The following NEGR1 variants were observed in gnomAD, a reference collection of about 807,000 sequenced individuals.
NEGR1 encodes the protein IgLON family member 4.
In NEGR1, 10 loss-of-function variants were observed where a neutral mutation model predicts 40.9. That is an observed-to-expected ratio of 0.24 (90% confidence interval 0.15 to 0.42). NEGR1 has a LOEUF of 0.42. Among genes scored for constraint, NEGR1 ranks in the 10% least tolerant of loss-of-function variants. The probability of loss-of-function intolerance (pLI) is 1.00; values close to 1 mark genes in which losing one functional copy is unlikely to be tolerated. For missense variants in NEGR1, 352 were observed against 438.9 expected (o/e 0.80, Z 1.77); for synonymous variants, 185 against 166.8 (o/e 1.11, Z -0.84).
At chr1:71,856,170 G>A (rs1361986365) in intron 2 of NEGR1, among the ~76,000 whole-genome samples, 2 of 152,016 alleles carry the variant, frequency 1.3e-5, no homozygotes, top group African/African-American at 2.4e-5. Context: ...CATTTTCAAG[G>A]AGTAGATGGT....
chr1:71,815,999 T>C (rs1431527900), intron 2 of NEGR1, among the ~76,000 whole-genome samples: 1 of 152,102 alleles, frequency 6.6e-6, no homozygotes, highest in Non-Finnish European at 1.5e-5. Flanking sequence ...TTTACACAAA[T>C]TGAATTTCAA....
At chr1:72,232,577 CTA>C (rs767865939) in intron 1 of NEGR1, among the ~76,000 whole-genome samples, 5 of 152,056 alleles carry the variant, frequency 3.3e-5, no homozygotes, top group Non-Finnish European at 7.4e-5. Flanking sequence ...GCTAAAAAAA[CTA>C]TGTTGTGACA....
rs530822243 is a variant in NEGR1 at position 72,226,053 on chromosome 1, T to C, written c.176+56266A>G. Among the ~76,000 whole-genome samples, 9 of 152,004 alleles carry C rather than the reference T, an allele frequency of 5.9e-5. No homozygotes were observed. The South Asian group carries it at 1.9e-3, about 31-fold the overall frequency. Reference sequence around the variant, plus strand: ...ATAAATTTATGGTTTAAATGCACTGTAATCGAAATAGCCATATATATTGTT... The same window carrying C: ...ATAAATTTATGGTTTAAATGCACTGCAATCGAAATAGCCATATATATTGTT... On this transcript the variant is annotated intron_variant, in intron 1 of 6. Transcript: ENST00000357731.
chr1:72,041,806 A>G (rs989988519), intron 1 of NEGR1, among the ~76,000 whole-genome samples: 1 of 147,070 alleles, frequency 6.8e-6, no homozygotes, highest in Non-Finnish European at 1.5e-5. Flanking sequence ...TTAAATATAT[A>G]TGTAATATTT....
chr1:72,194,887 G>A (rs1184243423), intron 1 of NEGR1, among the ~76,000 whole-genome samples: 2 of 151,966 alleles, frequency 1.3e-5, no homozygotes, highest in African/African-American at 4.8e-5. Context: ...ATGCAAGATG[G>A]GTTTCAAATG....
chr1:71,768,145 T>A (rs1163270924), intron 3 of NEGR1, among the ~76,000 whole-genome samples: 2 of 152,180 alleles, frequency 1.3e-5, no homozygotes. Flanking sequence ...GAGTCCCCAC[T>A]GGGGCATTAC....
At chr1:72,133,647 A>C (rs1459129256) in intron 1 of NEGR1, among the ~76,000 whole-genome samples, 1 of 151,884 alleles carries the variant, frequency 6.6e-6, no homozygotes, top group African/African-American at 2.4e-5. Flanking sequence ...ACTTTTTATA[A>C]GGCAAAGGAA....
At chr1:71,594,372 A>G (rs1278297883) in intron 5 of NEGR1, among the ~76,000 whole-genome samples, 2 of 152,160 alleles carry the variant, frequency 1.3e-5, no homozygotes, top group East Asian at 1.9e-4. Context: ...TGAGAGTTCA[A>G]TTTGAACTCC....
chr1:72,022,788 GAT>G (rs1461815309), intron 1 of NEGR1, among the ~76,000 whole-genome samples: 2 of 151,996 alleles, frequency 1.3e-5, no homozygotes, highest in Non-Finnish European at 2.9e-5. Flanking sequence ...ATTCACAGAC[GAT>G]ATGATTGTCT....
intron 1 of NEGR1, among the ~76,000 whole-genome samples, chr1:72,230,334 T>A (rs1441721482): frequency 6.6e-6 from 1 of 152,176 alleles, no homozygotes; most frequent in Non-Finnish European, 1.5e-5. Context: ...TCAACTAATA[T>A]CTAACTTTTG....
chr1:71,554,122 G>A (rs1254183574), intron 6 of NEGR1, among the ~76,000 whole-genome samples: 2 of 151,072 alleles, frequency 1.3e-5, no homozygotes, highest in Admixed American at 6.6e-5. Flanking sequence ...TAGATACTAG[G>A]GTAATTAATT....
intron 6 of NEGR1, among the ~76,000 whole-genome samples, chr1:71,534,389 G>A (rs929291627): frequency 2.6e-5 from 4 of 151,754 alleles, no homozygotes; most frequent in South Asian, 2.1e-4. Flanking sequence ...CATGTGTCCC[G>A]TTCTGCAGGG....
intron 2 of NEGR1, among the ~76,000 whole-genome samples, chr1:71,818,190 A>G (rs193173310): frequency 6.6e-6 from 1 of 152,126 alleles, no homozygotes; most frequent in East Asian, 1.9e-4. Context: ...TTAGGTATAT[A>G]CCCACAGGAA....
At chr1:72,097,308 A>G (rs571990459) in intron 1 of NEGR1, among the ~76,000 whole-genome samples, 2 of 152,194 alleles carry the variant, frequency 1.3e-5, no homozygotes, top group South Asian at 4.1e-4. Context: ...TTAGTTGAGT[A>G]ATATATGAAA....
intron 6 of NEGR1, among the ~76,000 whole-genome samples, chr1:71,591,148 G>C (rs532602537): frequency 6.6e-6 from 1 of 152,200 alleles, no homozygotes; most frequent in East Asian, 1.9e-4. Context: ...TTACAGACAA[G>C]ATTTTCACAT....
At position 72,057,255 on chromosome 1, in the gene NEGR1, G is replaced by C. The variant is rs1647119403; in HGVS notation, c.177-121944C>G. 2.6e-5 allele frequency among the ~76,000 whole-genome samples: 4 copies of C among 151,556 alleles called. No individual in the cohort carries two copies. In the South Asian group the frequency reaches 8.3e-4, roughly 31 times the overall value. ...AAGGAAACTCCTTGTTAAATTTTTT[G>C]GTTACAAAATTTGGATTGTGCATTA... is the stretch of plus-strand genomic sequence containing the variant. On this transcript the variant is annotated intron_variant, in intron 1 of 6. Coordinates refer to ENST00000357731, the MANE Select transcript of NEGR1 (RefSeq NM_173808.3).
chr1:71,874,663 G>T (rs560465178), intron 2 of NEGR1, among the ~76,000 whole-genome samples: 15 of 152,210 alleles, frequency 9.9e-5, no homozygotes, highest in Admixed American at 4.6e-4. Flanking sequence ...ACTGAAGTGG[G>T]TTGAAGCCAG....
At chr1:71,700,033 C>G (rs549046857) in intron 3 of NEGR1, among the ~76,000 whole-genome samples, 94 of 151,784 alleles carry the variant, frequency 6.2e-4, no homozygotes, top group Admixed American at 3.2e-3. Flanking sequence ...ATCAGCAGTG[C>G]GAAAGCGAAC....
chr1:72,135,737 T>C (rs1650439179), intron 1 of NEGR1, among the ~76,000 whole-genome samples: 1 of 152,190 alleles, frequency 6.6e-6, no homozygotes, highest in Non-Finnish European at 1.5e-5. Context: ...TTCAGCAAAG[T>C]ACTGATCAGT....
Sources: allele counts gnomAD v4.1 joint callset (sites outside exome capture counted in the v4.1 genomes callset), GRCh38; gene constraint gnomAD v4.1.1; transcripts MANE v1.5; gene names NCBI Gene and HGNC (gene_info 2026-07-23, HGNC 2026-07-21).